The following PTPRD variants were observed in gnomAD, a reference collection of about 807,000 sequenced individuals.
PTPRD encodes protein tyrosine phosphatase receptor type D.
Under a neutral mutation model 214.5 loss-of-function variants are expected in PTPRD, and 34 were observed. The ratio of observed to expected loss-of-function variants is 0.16; its 90% confidence interval spans 0.12 to 0.21. The LOEUF (loss-of-function observed/expected upper bound fraction) is 0.21, where lower values mean the gene tolerates loss of function less well. PTPRD is among the 10% of genes least tolerant of loss of function. PTPRD has a pLI of 1.00. For missense variants in PTPRD, 2,545 were observed against 2,398.7 expected (o/e 1.06, Z -1.27); for synonymous variants, 1,128 against 845.7 (o/e 1.33, Z -5.79).
intron 5 of PTPRD, among the ~76,000 whole-genome samples, chr9:9,789,551 A>G: frequency 6.6e-6 from 1 of 152,000 alleles, no homozygotes; most frequent in East Asian, 1.9e-4. Flanking sequence ...TAATCCCAGC[A>G]CTTTGGGAGG....
chr9:10,494,089 CA>C (rs751283769), intron 2 of PTPRD, among the ~76,000 whole-genome samples: 23 of 151,904 alleles, frequency 1.5e-4, no homozygotes, highest in Non-Finnish European at 2.7e-4. Context: ...CAAACTCCAT[CA>C]AGTCGACATC....
intron 4 of PTPRD, among the ~76,000 whole-genome samples, chr9:9,965,134 A>G (rs1371604197): frequency 1.3e-5 from 2 of 152,162 alleles, no homozygotes; most frequent in African/African-American, 4.8e-5. Flanking sequence ...AATTTTTCAT[A>G]ACGTGGATAG....
intron 11 of PTPRD, among the ~76,000 whole-genome samples, chr9:8,853,663 T>C (rs2097859443): frequency 1.3e-5 from 2 of 152,340 alleles, no homozygotes; most frequent in South Asian, 4.1e-4. Flanking sequence ...TCTTCCACAT[T>C]ATCAGATTTC....
At chr9:9,514,954 G>T (rs557987517) in intron 8 of PTPRD, among the ~76,000 whole-genome samples, 15 of 152,050 alleles carry the variant, frequency 9.9e-5, no homozygotes, top group Non-Finnish European at 1.8e-4. Context: ...CTGATTTGAG[G>T]ACTTTTTTTA....
At chr9:9,924,687 G>A (rs1251084966) in intron 5 of PTPRD, among the ~76,000 whole-genome samples, 2 of 151,994 alleles carry the variant, frequency 1.3e-5, no homozygotes. Context: ...CTATCACAAG[G>A]AGTTTTTAAA....
intron 9 of PTPRD, among the ~76,000 whole-genome samples, chr9:9,228,607 C>G (rs533186279): frequency 6.6e-6 from 1 of 152,012 alleles, no homozygotes; most frequent in South Asian, 2.1e-4. Context: ...ATTTTGATGC[C>G]TTGCTAGTTC....
chr9:9,789,280 C>T (rs2098949430), intron 5 of PTPRD, among the ~76,000 whole-genome samples: 1 of 152,154 alleles, frequency 6.6e-6, no homozygotes, highest in African/African-American at 2.4e-5. Flanking sequence ...AGCGGAATGC[C>T]TTGGCCTATA....
intron 2 of PTPRD, among the ~76,000 whole-genome samples, chr9:10,465,948 T>G (rs1050805940): frequency 2.0e-5 from 3 of 152,172 alleles, no homozygotes; most frequent in African/African-American, 7.2e-5. Flanking sequence ...TGCATAGATT[T>G]AGGAAAATTT....
chr9:9,978,695 A>C (rs1566888442), intron 4 of PTPRD, among the ~76,000 whole-genome samples: 1 of 151,878 alleles, frequency 6.6e-6, no homozygotes, highest in African/African-American at 2.4e-5. Flanking sequence ...AATGACTGAG[A>C]ATTTTAGAAA....
At chr9:9,519,397 TTACAG>T (rs2096912118) in intron 8 of PTPRD, among the ~76,000 whole-genome samples, 1 of 151,682 alleles carries the variant, frequency 6.6e-6, no homozygotes, top group African/African-American at 2.4e-5. Context: ...GAATCAACAG[TTACAG>T]GTTGATTCTT....
chr9:10,499,942 A>C (rs1301274024), intron 2 of PTPRD, among the ~76,000 whole-genome samples: 1 of 151,940 alleles, frequency 6.6e-6, no homozygotes, highest in South Asian at 2.1e-4. Flanking sequence ...AGATTCCTGG[A>C]GGATGGATGA....
chr9:8,456,206 T>C lies in PTPRD; in HGVS notation c.3875+4205A>G, dbSNP rs922969003. Among the ~76,000 whole-genome samples the C allele has an allele frequency of 5.3e-5, 8 of 152,104 alleles. No homozygotes were observed. The South Asian group carries it at 1.7e-3, about 32-fold the overall frequency. ...AAGACAGAGTCCTTGACCTGCAGTT[T>C]AGTGGAGGCAAAGTGCCAAGAAAAG... On this transcript the variant is annotated intron_variant, in intron 33 of 45. Coordinates refer to ENST00000381196, the MANE Select transcript of PTPRD (RefSeq NM_002839.4).
chr9:9,198,448 C>G (rs2099939922), intron 9 of PTPRD, among the ~76,000 whole-genome samples: 1 of 152,008 alleles, frequency 6.6e-6, no homozygotes, highest in African/African-American at 2.4e-5. Flanking sequence ...CATGGACTCA[C>G]TTAGAATTCA....
Position 8,340,391 on chromosome 9 carries a change from G to C in PTPRD, c.5205C>G (p.His1735Gln), listed in dbSNP as rs770520673. ...TEDFWRMLWE[H>Q]NSTIVVMLTK... Reference sequence around the variant, plus strand: ...TGAGCATCACAACTATGGTGGAATTGTGTTCCCAGAGCATCCGCCAGAAGT... The same window carrying C: ...TGAGCATCACAACTATGGTGGAATTCTGTTCCCAGAGCATCCGCCAGAAGT... The change falls in exon 42 of 46, where the codon CAC becomes CAG. Residue 1735 changes from histidine (H) to glutamine (Q), a missense_variant. His to Gln is a conservative substitution (Grantham distance 24). Transcript: ENST00000381196. The C allele has an allele frequency of 6.2e-7, 1 of 1,611,022 alleles. No homozygotes were observed. The highest frequency in any genetic ancestry group is 8.5e-7 in the Non-Finnish European group (1 of 1,177,856).
At chr9:8,370,207 T>C (rs55732541) in intron 39 of PTPRD, among the ~76,000 whole-genome samples, 26,211 of 81,492 alleles carry the variant, frequency 0.32, 3,037 homozygotes, top group East Asian at 0.55. Flanking sequence ...CATATATATA[T>C]ACACACACAC....
intron 11 of PTPRD, among the ~76,000 whole-genome samples, chr9:8,838,355 G>T (rs1224746279): frequency 6.6e-6 from 1 of 151,840 alleles, no homozygotes; most frequent in African/African-American, 2.4e-5. Flanking sequence ...TTAGAACCTT[G>T]CCTTATACCA....
intron 33 of PTPRD, among the ~76,000 whole-genome samples, chr9:8,458,142 T>TTACATAGGCCCACAC (rs2096269369): frequency 6.6e-6 from 1 of 152,134 alleles, no homozygotes; most frequent in African/African-American, 2.4e-5. Context: ...TAGACGATGC[T>TTACATAGGCCCACAC]TACATAGGCC....
At position 9,941,966 on chromosome 9, in the gene PTPRD, A is replaced by C. The variant is rs140952353; in HGVS notation, c.-471-3356T>G. ...TTTAAAATAAAGAGTTGAATCTCCAACATTTTCTGAAAGCCCAGCCAAAAG... is the reference window on the plus strand; with the variant it reads ...TTTAAAATAAAGAGTTGAATCTCCACCATTTTCTGAAAGCCCAGCCAAAAG... On this transcript the variant is annotated intron_variant, in intron 4 of 45. Transcript: ENST00000381196. Among the ~76,000 whole-genome samples the C allele has an allele frequency of 8.5e-5, 13 of 152,306 alleles. No individual in the cohort carries two copies. In the East Asian group the frequency reaches 2.5e-3, roughly 29 times the overall value.
At chr9:8,624,258 T>C (rs754730234) in intron 14 of PTPRD, among the ~76,000 whole-genome samples, 3 of 151,926 alleles carry the variant, frequency 2.0e-5, no homozygotes, top group South Asian at 2.1e-4. Flanking sequence ...TGTACTAGCA[T>C]AGCACCAATA....
Sources: allele counts gnomAD v4.1 joint callset (sites outside exome capture counted in the v4.1 genomes callset), GRCh38; gene constraint gnomAD v4.1.1; transcripts MANE v1.5; gene names NCBI Gene and HGNC (gene_info 2026-07-23, HGNC 2026-07-21).